Variants in ARL6IP6 observed in about 807,000 individuals in gnomAD.
The protein encoded by ARL6IP6 is ARF like GTPase 6 interacting protein 6.
A neutral mutation model predicts 21.5 loss-of-function variants in ARL6IP6; 22 were observed. The ratio of observed to expected loss-of-function variants is 1.02; its 90% CI spans 0.73 to 1.46. The LOEUF (loss-of-function observed/expected upper bound fraction) is 1.46. ARL6IP6 is among the 40% of genes most tolerant of loss of function. The probability of loss-of-function intolerance (pLI) is 0.00; values close to 1 mark genes in which losing one functional copy is unlikely to be tolerated. For synonymous variants in ARL6IP6, 164 were observed against 125.3 expected, an observed-to-expected ratio of 1.31 and a Z score of -2.06; for missense variants, 388 against 299.8, an observed-to-expected ratio of 1.29 and a Z score of -2.17.
At chr2:152,729,872 A>G (rs968063529) in intron 2 of ARL6IP6, among the ~76,000 whole-genome samples, 18 of 132,460 alleles carry the variant, frequency 1.4e-4, no homozygotes, top group Admixed American at 7.4e-4. Context: ...TCATTTTTAT[A>G]TTCTTTTTAA....
rs1390744995 is a variant in ARL6IP6, at chr2:152,722,907, C to T, written c.454+2321C>T. Among the ~76,000 whole-genome samples, 6 of 152,178 alleles carry T rather than the reference C, an allele frequency of 3.9e-5. No individual in the cohort carries two copies. The South Asian group carries it at 6.2e-4, about 16-fold the overall frequency. ...TCAGCAACAGAGCAAGACTCCAACTCAAAACAAAACAAAAGATTGAGGTAA... is the reference window on the plus strand; with the variant it reads ...TCAGCAACAGAGCAAGACTCCAACTTAAAACAAAACAAAAGATTGAGGTAA... On this transcript the variant is annotated intron_variant, in intron 2 of 3. Transcript: ENST00000326446.
At chr2:152,723,356 T>TAATAAACAG (rs1699881058) in intron 2 of ARL6IP6, among the ~76,000 whole-genome samples, 1 of 152,254 alleles carries the variant, frequency 6.6e-6, no homozygotes, top group Non-Finnish European at 1.5e-5. Flanking sequence ...TTTGCCCTGT[T>TAATAAACAG]TATTAGGAAC....
chr2:152,740,853 A>T (rs1327267513), intron 3 of ARL6IP6, among the ~76,000 whole-genome samples: 1 of 152,142 alleles, frequency 6.6e-6, no homozygotes, highest in African/African-American at 2.4e-5. Context: ...ACACAAATAC[A>T]AATGAAGTTG....
At position 152,737,393 on chromosome 2, in the gene ARL6IP6, A is replaced by T. The variant is rs949210520; in HGVS notation, c.587+2267A>T. Among the ~76,000 whole-genome samples, 6 of 152,174 alleles carry T rather than the reference A, an allele frequency of 3.9e-5. No individual in the cohort carries two copies. In the East Asian group the frequency reaches 5.8e-4, roughly 15 times the overall value. On this transcript the variant is annotated intron_variant, in intron 3 of 3. Coordinates refer to ENST00000326446, the MANE Select transcript of ARL6IP6 (RefSeq NM_152522.7). ...ATTCTGAGGGCATTTAACTAATTTTAAAAAAAATTATCTTTGCATTTTGTA... is the reference window on the plus strand; with the variant it reads ...ATTCTGAGGGCATTTAACTAATTTTTAAAAAAATTATCTTTGCATTTTGTA...
chr2:152,750,143 G>A (rs1701255213), intron 3 of ARL6IP6, among the ~76,000 whole-genome samples: 1 of 152,050 alleles, frequency 6.6e-6, no homozygotes, highest in African/African-American at 2.4e-5. Flanking sequence ...TTTTTGAGGT[G>A]TTTTTTAGGA....
At chr2:152,723,187 A>C (rs1356709155) in intron 2 of ARL6IP6, among the ~76,000 whole-genome samples, 1 of 152,242 alleles carries the variant, frequency 6.6e-6, no homozygotes, top group Non-Finnish European at 1.5e-5. Flanking sequence ...ATGCCTATGA[A>C]GTTACATCCT....
chr2:152,757,276 A>T (rs1701635576), intron 3 of ARL6IP6, among the ~76,000 whole-genome samples: 1 of 152,176 alleles, frequency 6.6e-6, no homozygotes. Flanking sequence ...CAGTGCCAGA[A>T]ATGTTCTCTA....
chr2:152,753,517 A>G (rs1456813237), intron 3 of ARL6IP6, among the ~76,000 whole-genome samples: 1 of 151,836 alleles, frequency 6.6e-6, no homozygotes, highest in East Asian at 1.9e-4. Flanking sequence ...CTTTTTGCAC[A>G]TTTATTGTAT....
chr2:152,733,249 G>T (rs1010077166), intron 2 of ARL6IP6, among the ~76,000 whole-genome samples: 1 of 151,530 alleles, frequency 6.6e-6, no homozygotes, highest in African/African-American at 2.4e-5. Context: ...CTTGTGTTCT[G>T]CTTCGTTCTG....
chr2:152,749,043 A>C (rs1272710094), intron 3 of ARL6IP6, among the ~76,000 whole-genome samples: 2 of 152,212 alleles, frequency 1.3e-5, no homozygotes, highest in African/African-American at 2.4e-5. Context: ...ATAAGAATGT[A>C]GTCACTTAAA....
Position 152,718,779 on chromosome 2 carries a change from C to T in ARL6IP6, c.155C>T (p.Ala52Val). The T allele has an allele frequency of 6.2e-7, 1 of 1,608,050 alleles. No homozygotes were observed. The highest frequency in any genetic ancestry group is 8.5e-7 in the Non-Finnish European group (1 of 1,177,076). Residue 52 changes from alanine (A) to valine (V), a missense_variant, in exon 1 of 4, where the codon GCC becomes GTC. Coordinates refer to ENST00000326446, the MANE Select transcript of ARL6IP6 (RefSeq NM_152522.7). ...VDEEEGCDQV[A>V]RDLRAEFSAG... The stretch of plus-strand genomic sequence containing the variant: ...GAGGAGGAGGGATGCGACCAAGTGG[C>T]CCGCGACCTGCGGGCGGAGTTCTCG...
At chr2:152,717,807 C>A (rs975863561), upstream of ARL6IP6, 3 of 1,158,524 alleles carry the variant, frequency 2.6e-6, no homozygotes, top group African/African-American at 4.8e-5. Flanking sequence ...CCCTCCCCGC[C>A]CGAGTTACGT....
rs1701169662 is a variant in ARL6IP6 at position 152,748,611 on chromosome 2, C to T, written c.588-11136C>T. Among the ~76,000 whole-genome samples, 3 of 152,220 alleles carry T rather than the reference C, an allele frequency of 2.0e-5. 1 individual carries two copies. In the South Asian group the frequency reaches 6.2e-4, roughly 32 times the overall value. On this transcript the variant is annotated intron_variant, in intron 3 of 3. Coordinates refer to ENST00000326446, the MANE Select transcript of ARL6IP6 (RefSeq NM_152522.7). The stretch of plus-strand genomic sequence containing the variant: ...CTTCTCCCTCTGAGCCAATCAGACA[C>T]AGAAACGAATAGCCAGTTGGGTCTT...
intron 3 of ARL6IP6, among the ~76,000 whole-genome samples, chr2:152,752,526 A>G (rs1388203512): frequency 6.6e-6 from 1 of 152,256 alleles, no homozygotes; most frequent in Non-Finnish European, 1.5e-5. Flanking sequence ...AAGCAGCGAC[A>G]GCAGGGATTT....
intron 3 of ARL6IP6, among the ~76,000 whole-genome samples, chr2:152,740,203 A>G (rs966056724): frequency 6.6e-6 from 1 of 152,166 alleles, no homozygotes; most frequent in Admixed American, 6.5e-5. Flanking sequence ...CCCAGGCTCA[A>G]GTGATCCTCC....
intron 3 of ARL6IP6, among the ~76,000 whole-genome samples, chr2:152,748,327 T>G (rs571985369): frequency 9.8e-5 from 15 of 152,360 alleles, no homozygotes; most frequent in African/African-American, 3.6e-4. Flanking sequence ...GTTTTACGTT[T>G]CTAAAAAGGA....
In ARL6IP6 at chr2:152,734,943, A is replaced by G. The variant is rs1700484418; in HGVS notation, c.455-51A>G. On this transcript the variant is annotated intron_variant, in intron 2 of 3. Transcript: ENST00000326446. ...AACATGAGAGTACTGGTTTAATTTAAATTGTTTTGGTGTTAATAATGTACT... is the reference window on the plus strand; with the variant it reads ...AACATGAGAGTACTGGTTTAATTTAGATTGTTTTGGTGTTAATAATGTACT... 23 of 1,547,704 alleles carry G rather than the reference A, an allele frequency of 1.5e-5. No homozygotes were observed. In the East Asian group the frequency reaches 5.2e-4, roughly 35 times the overall value.
intron 2 of ARL6IP6, among the ~76,000 whole-genome samples, chr2:152,722,322 A>C (rs971596128): frequency 6.6e-6 from 1 of 152,254 alleles, no homozygotes; most frequent in Admixed American, 6.5e-5. Flanking sequence ...ATGAGCAGAA[A>C]GTGTTGTATC....
At chr2:152,730,750 C>T (rs1383456463) in intron 2 of ARL6IP6, among the ~76,000 whole-genome samples, 1 of 152,088 alleles carries the variant, frequency 6.6e-6, no homozygotes, top group African/African-American at 2.4e-5. Context: ...GTGGCAACTT[C>T]CAGCCACATG....
Sources: gnomAD v4.1 joint callset for allele counts (sites outside exome capture counted in the v4.1 genomes callset) on GRCh38, gnomAD v4.1.1 for gene constraint, MANE v1.5 for transcripts, NCBI Gene and HGNC (gene_info 2026-07-23, HGNC 2026-07-21) for gene names.